Variants in LRRC4C observed in about 807,000 individuals in gnomAD.
LRRC4C encodes the protein leucine-rich repeat-containing protein 4C.
LRRC4C carries 5 observed loss-of-function variants against 33.6 expected under a neutral mutation model. That is an observed-to-expected ratio of 0.15 (90% CI 0.08 to 0.31). LRRC4C has a LOEUF of 0.31. Among genes scored for constraint, LRRC4C ranks in the 10% least tolerant of loss-of-function variants. The probability of loss-of-function intolerance (pLI) is 1.00; values close to 1 mark genes in which losing one functional copy is unlikely to be tolerated. For missense variants in LRRC4C, 560 were observed against 796.7 expected (o/e 0.70, Z 3.58); for synonymous variants, 329 against 302.0 (o/e 1.09, Z -0.93).
intron 1 of LRRC4C, among the ~76,000 whole-genome samples, chr11:41,014,133 G>A (rs1855410379): frequency 6.6e-6 from 1 of 151,960 alleles, no homozygotes; most frequent in South Asian, 2.1e-4. Flanking sequence ...AGCTCTCTGG[G>A]GCCTCTTTCC....
intron 3 of LRRC4C, among the ~76,000 whole-genome samples, chr11:40,531,489 AAAAG>A (rs1244534929): frequency 6.6e-6 from 1 of 152,140 alleles, no homozygotes; most frequent in Non-Finnish European, 1.5e-5. Context: ...TAGAAGAAAA[AAAAG>A]AATTAAGCAG....
intron 3 of LRRC4C, among the ~76,000 whole-genome samples, chr11:40,354,917 A>G (rs1433646761): frequency 1.3e-5 from 2 of 152,000 alleles, no homozygotes; most frequent in Non-Finnish European, 2.9e-5. Flanking sequence ...ATCTTTATCC[A>G]TAGCCACCAT....
intron 3 of LRRC4C, among the ~76,000 whole-genome samples, chr11:40,495,813 G>GTTTTTTTTTTTTTTTTTTTTTTTTTTTT (rs77683172): frequency 1.5e-5 from 1 of 67,012 alleles, no homozygotes; most frequent in African/African-American, 6.3e-5. Flanking sequence ...CAATAAACAT[G>GTTTTTTTTTTTTTTTTTTTTTTTTTTTT]TTTTTTTTTT....
At chr11:40,720,176 C>T (rs1338055635) in intron 2 of LRRC4C, among the ~76,000 whole-genome samples, 2 of 152,154 alleles carry the variant, frequency 1.3e-5, no homozygotes, top group South Asian at 2.1e-4. Flanking sequence ...AGCACTGTCT[C>T]ATCTCCTAAC....
intron 2 of LRRC4C, among the ~76,000 whole-genome samples, chr11:40,747,922 C>G (rs1329568974): frequency 6.6e-6 from 1 of 151,752 alleles, no homozygotes; most frequent in African/African-American, 2.4e-5. Context: ...ATAAAGTGAC[C>G]AAATCTTTAA....
chr11:40,335,848 T>C (rs917800188), intron 3 of LRRC4C, among the ~76,000 whole-genome samples: 5 of 152,214 alleles, frequency 3.3e-5, no homozygotes, highest in Admixed American at 1.3e-4. Context: ...TGGACCCAGA[T>C]AAACTGGATT....
In LRRC4C at chr11:41,184,255, GT is replaced by G. The variant is rs767718620; in HGVS notation, c.-495-250533del. 9.2e-3 allele frequency among the ~76,000 whole-genome samples: 1,360 copies of G among 147,790 alleles called. 17 individuals are homozygous for G. Among genetic ancestry groups the G allele is most frequent in the African/African-American group, 0.027 (1,075 of 40,432 alleles). The stretch of plus-strand genomic sequence containing the variant: ...GCTTAAATTTCTCTTCAGAAAATGC[GT>G]TTTTTTTTTTCCTGTCATATTGTCA... On this transcript the variant is annotated intron_variant, in intron 1 of 6. Transcript: ENST00000528697.
chr11:40,992,073 C>A (rs380623), intron 1 of LRRC4C, among the ~76,000 whole-genome samples: 110,347 of 152,090 alleles, frequency 0.73, 40,305 homozygotes, highest in Non-Finnish European at 0.76. Flanking sequence ...TCCACTTGTT[C>A]AGTTTTCACA....
intron 1 of LRRC4C, among the ~76,000 whole-genome samples, chr11:41,239,321 CAAAAAAAAAA>C (rs56018613): frequency 5.4e-5 from 3 of 55,190 alleles, no homozygotes; most frequent in African/African-American, 2.3e-4. Context: ...GACTCTGTCT[CAAAAAAAAAA>C]AAAAAAAAAA....
intron 1 of LRRC4C, among the ~76,000 whole-genome samples, chr11:41,270,597 A>T (rs1395726068): frequency 6.6e-6 from 1 of 152,080 alleles, no homozygotes; most frequent in Non-Finnish European, 1.5e-5. Context: ...AGAAATTGAT[A>T]TTACTGCCAA....
At chr11:40,723,000 A>G (rs1003312195) in intron 2 of LRRC4C, among the ~76,000 whole-genome samples, 2 of 152,186 alleles carry the variant, frequency 1.3e-5, no homozygotes, top group Admixed American at 6.5e-5. Flanking sequence ...AGGGGAAAGA[A>G]TTTTAGAGCT....
intron 3 of LRRC4C, among the ~76,000 whole-genome samples, chr11:40,578,517 A>G (rs1021621787): frequency 1.3e-5 from 2 of 151,890 alleles, no homozygotes; most frequent in African/African-American, 2.4e-5. Context: ...TTTTCTACCC[A>G]AGCATTCCTA....
At chr11:40,442,315 C>A (rs1951435662) in intron 3 of LRRC4C, among the ~76,000 whole-genome samples, 1 of 151,834 alleles carries the variant, frequency 6.6e-6, no homozygotes, top group Non-Finnish European at 1.5e-5. Flanking sequence ...TGTGCCATGG[C>A]AAGAAAAGCT....
chr11:41,305,331 C>T (rs1414259834), intron 1 of LRRC4C, among the ~76,000 whole-genome samples: 1 of 52,328 alleles, frequency 1.9e-5, no homozygotes, highest in Non-Finnish European at 5.5e-5. Context: ...AGGTGAGGGG[C>T]GCCTCTGCCC....
intron 1 of LRRC4C, among the ~76,000 whole-genome samples, chr11:41,036,177 C>CT: frequency 6.6e-6 from 1 of 152,122 alleles, no homozygotes; most frequent in African/African-American, 2.4e-5. Context: ...GAAATAAACT[C>CT]TTTGGTAATT....
At chr11:40,337,262 C>A (rs760918411) in intron 3 of LRRC4C, among the ~76,000 whole-genome samples, 1 of 152,082 alleles carries the variant, frequency 6.6e-6, no homozygotes, top group Admixed American at 6.5e-5. Flanking sequence ...GAGGACAGAC[C>A]AGTAAGGCTT....
At chr11:40,901,790 A>G (rs1396635608) in intron 2 of LRRC4C, among the ~76,000 whole-genome samples, 2 of 152,202 alleles carry the variant, frequency 1.3e-5, no homozygotes, top group Non-Finnish European at 2.9e-5. Flanking sequence ...GGATTGATTC[A>G]AAGAATTGAT....
intron 3 of LRRC4C, among the ~76,000 whole-genome samples, chr11:40,504,266 A>G (rs2138655242): frequency 6.6e-6 from 1 of 152,276 alleles, no homozygotes; most frequent in South Asian, 2.1e-4. Flanking sequence ...GAAAGAATAT[A>G]ACTTTTGTGA....
At chr11:40,553,647 G>A (rs899558939) in intron 3 of LRRC4C, among the ~76,000 whole-genome samples, 20 of 152,114 alleles carry the variant, frequency 1.3e-4, no homozygotes, top group African/African-American at 4.6e-4. Context: ...ATGTCACAGA[G>A]CTTTAGATTT....
Sources: allele counts gnomAD v4.1 joint callset (sites outside exome capture counted in the v4.1 genomes callset), GRCh38; gene constraint gnomAD v4.1.1; transcripts MANE v1.5; gene names NCBI Gene and HGNC (gene_info 2026-07-23, HGNC 2026-07-21).